The following MTFMT variants were observed in gnomAD, a reference collection of about 807,000 sequenced individuals.
MTFMT encodes mitochondrial methionyl-tRNA formyltransferase.
MTFMT carries 47 observed loss-of-function variants against 51.8 expected under a neutral mutation model. That is an observed-to-expected ratio of 0.91 (90% CI 0.72 to 1.16). MTFMT has a LOEUF of 1.16. Ranked by LOEUF, MTFMT falls within the 50% of genes most tolerant of loss-of-function variation. MTFMT has a pLI of 0.00. For synonymous variants in MTFMT, 196 were observed against 176.7 expected, an observed-to-expected ratio of 1.11 and a Z score of -0.87; for missense variants, 512 against 482.3, an observed-to-expected ratio of 1.06 and a Z score of -0.58.
intron 6 of MTFMT, among the ~76,000 whole-genome samples, chr15:65,013,948 AAAAAAACAAAAAAC>A (rs201704961): frequency 2.0e-5 from 3 of 152,010 alleles, no homozygotes; most frequent in Non-Finnish European, 2.9e-5. Flanking sequence ...ATCTCAAAAA[AAAAAAACAAAAAAC>A]AAAAAACAAA....
chr15:65,017,364 T>G (rs2086332303), intron 5 of MTFMT, among the ~76,000 whole-genome samples: 1 of 152,182 alleles, frequency 6.6e-6, no homozygotes, highest in Admixed American at 6.5e-5. Flanking sequence ...CTACTCCAAG[T>G]AGTTTTACTA....
At chr15:65,029,331 C>T in intron 1 of MTFMT, 74 bp downstream of exon 1, 1 of 1,343,236 alleles carries the variant, frequency 7.4e-7, no homozygotes, top group Non-Finnish European at 9.5e-7. Flanking sequence ...AAGTCCAAAA[C>T]CCTCGGGGCC....
intron 1 of MTFMT, among the ~76,000 whole-genome samples, chr15:65,029,097 G>A (rs1031042835): frequency 5.9e-5 from 9 of 152,166 alleles, no homozygotes; most frequent in African/African-American, 2.2e-4. Context: ...GGGAGGCCGT[G>A]GGACTGGCCC....
At chr15:65,016,012 A>T (rs1041405411) in intron 6 of MTFMT, 1 of 153,184 alleles carries the variant, frequency 6.5e-6, no homozygotes, top group African/African-American at 2.4e-5. Flanking sequence ...TACCATATGT[A>T]GAAATCAATG....
chr15:65,024,284 C>T (rs2086402150), intron 2 of MTFMT, among the ~76,000 whole-genome samples: 1 of 152,160 alleles, frequency 6.6e-6, no homozygotes, highest in Admixed American at 6.5e-5. Flanking sequence ...GAGATCACGC[C>T]ATTGCACTCC....
chr15:65,004,851 T>C lies in MTFMT; in HGVS notation c.975+3A>G, dbSNP rs559676429. On this transcript the variant is annotated splice_donor_region_variant and intron_variant, in intron 8 of 8. Coordinates refer to ENST00000220058, the MANE Select transcript of MTFMT (RefSeq NM_139242.4). The stretch of plus-strand genomic sequence containing the variant: ...GATAACTTGAAACTAATGAAAAACA[T>C]ACCTTGCAATAAACCAATAGTATTT... 11 of 1,574,014 alleles carry C rather than the reference T, an allele frequency of 7.0e-6. No homozygotes were observed. The East Asian group carries it at 1.8e-4, about 26-fold the overall frequency.
chr15:65,006,263 T>A, intron 6 of MTFMT, 72 bp from the exon 7 acceptor site: 2 of 1,186,984 alleles, frequency 1.7e-6, no homozygotes, highest in Non-Finnish European at 2.5e-6. Context: ...ACTACTATTT[T>A]GTGTTAATCT....
Position 65,020,276 on chromosome 15 carries a change from C to CAAAAA in MTFMT, c.646-9_646-5dup. On this transcript the variant is annotated splice_polypyrimidine_tract_variant and splice_region_variant and intron_variant, in intron 4 of 8. Coordinates refer to ENST00000220058, the MANE Select transcript of MTFMT (RefSeq NM_139242.4). ...AATTTTTCAAAACTGAAATGAGCTA[C>CAAAAA]AAAAAAAAAAAAAAGAGTGTGATAT... The CAAAAA allele has an allele frequency of 2.3e-6, 3 of 1,325,536 alleles. No individual in the cohort carries two copies. In the South Asian group the frequency reaches 4.0e-5, roughly 17 times the overall value. 82.1% of individuals were successfully genotyped at this position (1,325,536 alleles called of 1,614,324 possible).
At chr15:65,028,788 T>C (rs1469724488) in intron 1 of MTFMT, among the ~76,000 whole-genome samples, 2 of 152,236 alleles carry the variant, frequency 1.3e-5, no homozygotes, top group Non-Finnish European at 2.9e-5. Flanking sequence ...AATAATTTTC[T>C]TTCCCAGTAA....
chr15:65,008,970 G>A (rs1566939997), intron 6 of MTFMT, among the ~76,000 whole-genome samples: 1 of 152,226 alleles, frequency 6.6e-6, no homozygotes, highest in Non-Finnish European at 1.5e-5. Context: ...AAAGGAAAGG[G>A]ATGGTAAGAA....
At chr15:65,021,295 G>A (rs1297811894) in intron 4 of MTFMT, among the ~76,000 whole-genome samples, 1 of 152,182 alleles carries the variant, frequency 6.6e-6, no homozygotes, top group Non-Finnish European at 1.5e-5. Flanking sequence ...AAGATCACCT[G>A]TTTCACTTGA....
rs966565604 is a variant in MTFMT at position 65,002,964 on chromosome 15, A to G, written c.*98T>C. ...GGTGACAGAGTGAGACTCTGTCTCAAAAAAAAAAAAAAAAAAAAAAGTCCA... is the reference window on the plus strand; with the variant it reads ...GGTGACAGAGTGAGACTCTGTCTCAGAAAAAAAAAAAAAAAAAAAAGTCCA... On this transcript the variant is annotated 3_prime_UTR_variant, in exon 9 of 9. Transcript: ENST00000220058. 2 of 456,428 alleles carry G rather than the reference A, an allele frequency of 4.4e-6. No individual in the cohort carries two copies. The highest frequency in any genetic ancestry group is 6.9e-4 in the Middle Eastern group (1 of 1,440). 28.3% of individuals were successfully genotyped at this position (456,428 alleles called of 1,614,324 possible). A position where few individuals can be genotyped will look rare whatever the true frequency, so the allele number is the denominator to read the frequency against.
chr15:65,008,996 G>A (rs1291479453), intron 6 of MTFMT, among the ~76,000 whole-genome samples: 2 of 152,172 alleles, frequency 1.3e-5, no homozygotes, highest in Non-Finnish European at 1.5e-5. Context: ...TCATTTTGGT[G>A]TCTGCCATCA....
At chr15:65,022,705 ATT>A (rs35591836) in intron 3 of MTFMT, among the ~76,000 whole-genome samples, 182 of 134,578 alleles carry the variant, frequency 1.4e-3, no homozygotes, top group Middle Eastern at 3.8e-3. Context: ...CATCATTCAG[ATT>A]TTTTTTTTTT....
chr15:65,004,639 T>C (rs1342202825), intron 8 of MTFMT, among the ~76,000 whole-genome samples: 3 of 152,192 alleles, frequency 2.0e-5, no homozygotes, highest in Admixed American at 6.5e-5. Flanking sequence ...AGTTACTGAA[T>C]CTTCTTTCTT....
At chr15:65,015,917 A>G (rs979975003) in intron 6 of MTFMT, 1 of 152,480 alleles carries the variant, frequency 6.6e-6, no homozygotes. Flanking sequence ...TATTGAAATG[A>G]AAGGAAAAAA....
chr15:65,010,099 T>C (rs1169277582), intron 6 of MTFMT, among the ~76,000 whole-genome samples: 1 of 152,166 alleles, frequency 6.6e-6, no homozygotes, highest in East Asian at 1.9e-4. Flanking sequence ...CCTTAGCTAC[T>C]CTCCATCTTG....
At chr15:65,020,029 T>C (rs746931151) in intron 5 of MTFMT, among the ~76,000 whole-genome samples, 168 bp downstream of exon 5, 1 of 152,144 alleles carries the variant, frequency 6.6e-6, no homozygotes, top group African/African-American at 2.4e-5. Context: ...TGAGGCTATA[T>C]GCTAAGAGGG....
At chr15:65,013,259 CTTTCT>C (rs1342005299) in intron 6 of MTFMT, among the ~76,000 whole-genome samples, 2 of 148,782 alleles carry the variant, frequency 1.3e-5, no homozygotes, top group Admixed American at 6.7e-5. Flanking sequence ...AAGGCTTTGT[CTTTCT>C]TTTATTTTCT....
Sources: gnomAD v4.1 joint callset for allele counts (sites outside exome capture counted in the v4.1 genomes callset) on GRCh38, gnomAD v4.1.1 for gene constraint, MANE v1.5 for transcripts, NCBI Gene and HGNC (gene_info 2026-07-23, HGNC 2026-07-21) for gene names.